Variants in FUT9 observed in about 807,000 individuals in gnomAD.
FUT9 encodes fucosyltransferase 9, also known as 4-galactosyl-N-acetylglucosaminide 3-alpha-L-fucosyltransferase 9.
A neutral mutation model predicts 29.7 loss-of-function variants in FUT9; 15 were observed. That is an observed-to-expected ratio of 0.51 (90% confidence interval 0.34 to 0.78). FUT9 has a LOEUF of 0.78. Ranked by LOEUF, FUT9 falls within the 30% of genes least tolerant of loss-of-function variation. The pLI is 0.01. For synonymous variants in FUT9, 169 were observed against 153.7 expected, an observed-to-expected ratio of 1.10 and a Z score of -0.74; for missense variants, 319 against 425.4, an observed-to-expected ratio of 0.75 and a Z score of 2.20.
intron 2 of FUT9, among the ~76,000 whole-genome samples, chr6:96,181,570 G>T (rs1402279780): frequency 3.2e-5 from 1 of 31,398 alleles, no homozygotes; most frequent in Admixed American, 6.1e-4. Flanking sequence ...CCTATTTGTA[G>T]TCTTTTATCC....
At chr6:96,031,780 C>T (rs1770266283) in intron 1 of FUT9, among the ~76,000 whole-genome samples, 1 of 151,478 alleles carries the variant, frequency 6.6e-6, no homozygotes, top group East Asian at 1.9e-4. Context: ...ACTTTTAAGT[C>T]TTTTTAAATA....
At chr6:96,164,006 A>G (rs9404335) in intron 2 of FUT9, among the ~76,000 whole-genome samples, 152,302 of 152,306 alleles carry the variant, frequency 1, 76,149 homozygotes, top group Non-Finnish European at 1. Context: ...AAGGTGGTCA[A>G]GCTACAGTTT....
intron 1 of FUT9, among the ~76,000 whole-genome samples, chr6:96,071,589 G>T: frequency 6.6e-6 from 1 of 152,146 alleles, no homozygotes. Flanking sequence ...TTTTAGTGAA[G>T]AGTATAAAGA....
At chr6:96,100,130 C>T (rs1771561761) in intron 1 of FUT9, among the ~76,000 whole-genome samples, 1 of 151,924 alleles carries the variant, frequency 6.6e-6, no homozygotes, top group Non-Finnish European at 1.5e-5. Context: ...AATGGTCTTA[C>T]TAGAGGTTGA....
At chr6:96,081,625 C>T (rs1289103554) in intron 1 of FUT9, among the ~76,000 whole-genome samples, 1 of 151,772 alleles carries the variant, frequency 6.6e-6, no homozygotes, top group Non-Finnish European at 1.5e-5. Context: ...AAAAACAATG[C>T]TACTACAAAC....
intron 1 of FUT9, among the ~76,000 whole-genome samples, chr6:96,077,781 A>G (rs1771163122): frequency 6.6e-6 from 1 of 152,206 alleles, no homozygotes; most frequent in South Asian, 2.1e-4. Context: ...ACTTTAATCT[A>G]TCCTCATTCT....
chr6:96,136,158 C>A (rs1772346843), intron 2 of FUT9, among the ~76,000 whole-genome samples: 1 of 151,514 alleles, frequency 6.6e-6, no homozygotes, highest in Non-Finnish European at 1.5e-5. Flanking sequence ...TATCAGTGGG[C>A]ATATTTTAAA....
chr6:96,060,080 T>A lies in FUT9; in HGVS notation c.-98+43868T>A, dbSNP rs564979567. On this transcript the variant is annotated intron_variant, in intron 1 of 2. Transcript: ENST00000302103. ...TACTTTCTTTATTAATAGATCTTAT[T>A]TTGTGAAAGCTACACCTTACAAAAT... is the stretch of plus-strand genomic sequence containing the variant. Among the ~76,000 whole-genome samples, 3 of 152,334 alleles carry A rather than the reference T, an allele frequency of 2.0e-5. No homozygotes were observed. The East Asian group carries it at 5.8e-4, about 29-fold the overall frequency.
chr6:96,080,302 A>C (rs1014450064), intron 1 of FUT9, among the ~76,000 whole-genome samples: 1 of 151,946 alleles, frequency 6.6e-6, no homozygotes, highest in African/African-American at 2.4e-5. Flanking sequence ...GCTATAAATA[A>C]CTTCTTTAAT....
chr6:96,166,259 C>G (rs1353034753), intron 2 of FUT9, among the ~76,000 whole-genome samples: 1 of 151,950 alleles, frequency 6.6e-6, no homozygotes, highest in Non-Finnish European at 1.5e-5. Context: ...ACTGCCAGGA[C>G]AGTTAAATAT....
chr6:96,026,337 A>T (rs1185872371), intron 1 of FUT9, among the ~76,000 whole-genome samples: 1 of 151,678 alleles, frequency 6.6e-6, no homozygotes, highest in Non-Finnish European at 1.5e-5. Context: ...TAAGATAGAA[A>T]ATAAGAAGGA....
rs751108757 is a variant in FUT9 at position 96,207,183 on chromosome 6, TAAC to T, written c.*2949_*2951del. 1.4e-3 allele frequency: 232 copies of T among 165,642 alleles called. 1 individual carries two copies. The highest frequency in any genetic ancestry group is 6.8e-3 in the Middle Eastern group (2 of 296). 10.3% of individuals were successfully genotyped at this position (165,642 alleles called of 1,614,324 possible). A position where few individuals can be genotyped will look rare whatever the true frequency, so the allele number is the denominator to read the frequency against. The stretch of plus-strand genomic sequence containing the variant: ...ATTGCTTTTCTTTCTACTTATGAGT[TAAC>T]TAGATCCAGAGATATTTATTCAAGA... On this transcript the variant is annotated 3_prime_UTR_variant, in exon 3 of 3. Transcript: ENST00000302103.
intron 1 of FUT9, among the ~76,000 whole-genome samples, chr6:96,108,005 A>G (rs1311168898): frequency 6.7e-6 from 1 of 149,084 alleles, no homozygotes; most frequent in African/African-American, 2.5e-5. Context: ...TTTTTGTCAG[A>G]TATTGCAAAG....
chr6:96,201,247 T>C (rs1201919346), intron 2 of FUT9, among the ~76,000 whole-genome samples: 1 of 151,958 alleles, frequency 6.6e-6, no homozygotes, highest in African/African-American at 2.4e-5. Context: ...ATTTCTGTAT[T>C]TGTACAAAAA....
chr6:96,089,687 G>A (rs112006187), intron 1 of FUT9, among the ~76,000 whole-genome samples: 11 of 152,098 alleles, frequency 7.2e-5, no homozygotes, highest in Admixed American at 6.6e-4. Flanking sequence ...AGGCATGAAC[G>A]CCTTTCTATC....
intron 2 of FUT9, among the ~76,000 whole-genome samples, chr6:96,159,217 C>T (rs985528994): frequency 1.3e-5 from 2 of 150,530 alleles, no homozygotes; most frequent in African/African-American, 4.9e-5. Context: ...AAAAATGAGC[C>T]TGTCTCTAAA....
At chr6:96,175,181 G>T (rs1033112825) in intron 2 of FUT9, among the ~76,000 whole-genome samples, 3 of 151,956 alleles carry the variant, frequency 2.0e-5, no homozygotes, top group Admixed American at 6.6e-5. Context: ...ATATCTTGTG[G>T]CTCCCAGTTA....
chr6:96,033,817 T>C (rs1243709633), intron 1 of FUT9, among the ~76,000 whole-genome samples: 6 of 151,716 alleles, frequency 4.0e-5, no homozygotes. Context: ...TTAGCAAATA[T>C]GTAAACACAC....
At chr6:96,018,496 T>C (rs1770018166) in intron 1 of FUT9, among the ~76,000 whole-genome samples, 1 of 152,120 alleles carries the variant, frequency 6.6e-6, no homozygotes, top group Non-Finnish European at 1.5e-5. Context: ...TTTAATGTCA[T>C]TGGCATTAGT....
Sources: gnomAD v4.1 joint callset for allele counts (sites outside exome capture counted in the v4.1 genomes callset) on GRCh38, gnomAD v4.1.1 for gene constraint, MANE v1.5 for transcripts, NCBI Gene and HGNC (gene_info 2026-07-23, HGNC 2026-07-21) for gene names.